The following STX12 variants were observed in gnomAD, a reference collection of about 807,000 sequenced individuals.
STX12 encodes the protein syntaxin-12.
STX12 carries 17 observed loss-of-function variants against 42.2 expected under a neutral mutation model. The observed-to-expected ratio is 0.40, with a 90% CI of 0.28 to 0.60. The LOEUF (loss-of-function observed/expected upper bound fraction) is 0.60, where lower values mean the gene tolerates loss of function less well. Among genes scored for constraint, STX12 ranks in the 20% least tolerant of loss-of-function variants. STX12 has a pLI of 0.39. For missense variants in STX12, 297 were observed against 330.9 expected (o/e 0.90, Z 0.79); for synonymous variants, 108 against 116.7 (o/e 0.93, Z 0.48).
chr1:27,803,987 C>T (rs868174500), intron 4 of STX12, among the ~76,000 whole-genome samples: 6 of 150,762 alleles, frequency 4.0e-5, no homozygotes, highest in Admixed American at 6.6e-5. Context: ...GGCGACACAA[C>T]AAGATTGTAT....
chr1:27,799,500 T>TTTTTTTTTTTTTTTTTTTTTG (rs2088812534), intron 3 of STX12, among the ~76,000 whole-genome samples: 1 of 151,298 alleles, frequency 6.6e-6, no homozygotes, highest in African/African-American at 2.5e-5. Context: ...TTTTTTTTTT[T>TTTTTTTTTTTTTTTTTTTTTG]GAGACAGAAC....
chr1:27,804,574 G>A (rs1338918863), intron 4 of STX12, among the ~76,000 whole-genome samples: 1 of 151,996 alleles, frequency 6.6e-6, no homozygotes, highest in Non-Finnish European at 1.5e-5. Context: ...CACTTTGGGA[G>A]GCTGAGGCGG....
intron 1 of STX12, among the ~76,000 whole-genome samples, chr1:27,778,028 CA>C (rs2088638736): frequency 6.6e-6 from 1 of 152,210 alleles, no homozygotes; most frequent in African/African-American, 2.4e-5. Context: ...GAGGCCAGCA[CA>C]CCCAAATATA....
intron 1 of STX12, among the ~76,000 whole-genome samples, chr1:27,777,769 C>G (rs943085938): frequency 5.9e-5 from 9 of 152,160 alleles, no homozygotes; most frequent in Non-Finnish European, 1.2e-4. Flanking sequence ...CGCCTGTAAT[C>G]CCAGCTACTT....
chr1:27,782,406 G>A (rs1011466329), intron 1 of STX12, among the ~76,000 whole-genome samples: 4 of 152,124 alleles, frequency 2.6e-5, no homozygotes, highest in East Asian at 1.9e-4. Flanking sequence ...CCATATAGGC[G>A]GTCTTAATTC....
At chr1:27,788,180 C>T (rs554280748) in intron 1 of STX12, among the ~76,000 whole-genome samples, 9 of 152,248 alleles carry the variant, frequency 5.9e-5, no homozygotes, top group Admixed American at 5.9e-4. Context: ...TTCTGTACTC[C>T]AGCTACTTGT....
chr1:27,776,550 C>A (rs550674122), intron 1 of STX12, among the ~76,000 whole-genome samples: 20 of 150,632 alleles, frequency 1.3e-4, no homozygotes, highest in African/African-American at 4.9e-4. Context: ...CCCATCTCTA[C>A]AAAAAAAAAG....
chr1:27,801,262 G>T (rs11810043), intron 3 of STX12, among the ~76,000 whole-genome samples: 18,388 of 152,082 alleles, frequency 0.12, 3,695 homozygotes, highest in African/African-American at 0.42. Context: ...AATTAGCCAG[G>T]TATGGTGGTG....
At chr1:27,785,442 T>C (rs1428532002) in intron 1 of STX12, among the ~76,000 whole-genome samples, 1 of 152,272 alleles carries the variant, frequency 6.6e-6, no homozygotes, top group East Asian at 1.9e-4. Context: ...ATTCTTTGAC[T>C]GGAGCTATTT....
Position 27,817,743 on chromosome 1 carries a change from A to G in STX12, c.577-108A>G. 5.8e-6 allele frequency: 5 copies of G among 866,816 alleles called. No homozygotes were observed. The South Asian group carries it at 7.9e-5, about 14-fold the overall frequency. The allele number at this position is 866,816 out of a possible 1,614,324, so 53.7% of individuals were successfully genotyped here. On this transcript the variant is annotated intron_variant, in intron 6 of 8. Transcript: ENST00000373943. ...TGTTTATGGAGAAAGCATGCTTTGT[A>G]GAGCCTTAAAAACACACGTGTTAAT...
chr1:27,773,351 C>T lies in STX12; in HGVS notation c.44C>T (p.Ser15Leu), dbSNP rs1571512536. 5.0e-6 allele frequency: 8 copies of T among 1,612,596 alleles called. No homozygotes were observed. Among genetic ancestry groups the T allele is most frequent in the East Asian group, 4.5e-5 (2 of 44,852 alleles). The change falls in exon 1 of 9, where the codon TCG becomes TTG. Residue 15 changes from serine (S) to leucine (L), a missense_variant. Transcript: ENST00000373943. Reference sequence around the variant, plus strand: ...GACATGTACCGGAACCCGGGGCCCTCGGGGCCCCAGCTCCGGGACTTCAGC... The same window carrying T: ...GACATGTACCGGAACCCGGGGCCCTTGGGGCCCCAGCTCCGGGACTTCAGC... ...PLDMYRNPGP[S>L]GPQLRDFSSI...
intron 4 of STX12, among the ~76,000 whole-genome samples, chr1:27,809,460 C>CTTT (rs561726749): frequency 7.7e-5 from 10 of 129,996 alleles, no homozygotes; most frequent in East Asian, 4.5e-4. Flanking sequence ...CTCATATACT[C>CTTT]TTTTTTTTTT....
rs555209143 is a variant in STX12, at chr1:27,791,538, G to A, written c.188+1907G>A. ...ATCTTTAAAATGTTCTGAGCAAGCC[G>A]GGAGCAGTGGCTCACGCCTGTAATC... On this transcript the variant is annotated intron_variant, in intron 2 of 8. Coordinates refer to ENST00000373943, the MANE Select transcript of STX12 (RefSeq NM_177424.3). Among the ~76,000 whole-genome samples the A allele has an allele frequency of 4.6e-5, 7 of 152,186 alleles. No individual in the cohort carries two copies. In the South Asian group the frequency reaches 1.0e-3, roughly 23 times the overall value.
intron 1 of STX12, among the ~76,000 whole-genome samples, chr1:27,779,790 C>CTT (rs540382809): frequency 6.9e-6 from 1 of 145,914 alleles, no homozygotes; most frequent in Non-Finnish European, 1.5e-5. Flanking sequence ...TTGGTTCCTC[C>CTT]TTTTTTTTTT....
chr1:27,775,199 T>G (rs1263984652), intron 1 of STX12, among the ~76,000 whole-genome samples: 2 of 152,214 alleles, frequency 1.3e-5, no homozygotes, highest in African/African-American at 4.8e-5. Flanking sequence ...TCTATCCATC[T>G]TCGTGTGTAT....
At chr1:27,817,685 A>G (rs2088952766) in intron 6 of STX12, among the ~76,000 whole-genome samples, 166 bp from the exon 7 acceptor site, 1 of 152,204 alleles carries the variant, frequency 6.6e-6, no homozygotes, top group Non-Finnish European at 1.5e-5. Context: ...CTTCTGTTTT[A>G]CAATATTGGG....
chr1:27,803,153 T>G (rs1252179563), intron 4 of STX12, among the ~76,000 whole-genome samples: 1 of 152,006 alleles, frequency 6.6e-6, no homozygotes. Context: ...AGAACAGAGG[T>G]GATATTTGAA....
intron 1 of STX12, among the ~76,000 whole-genome samples, chr1:27,787,958 C>T (rs2088710482): frequency 6.6e-6 from 1 of 152,064 alleles, no homozygotes; most frequent in African/African-American, 2.4e-5. Context: ...ACATTGGTCT[C>T]CTCATTTTCT....
chr1:27,800,676 G>A (rs544565629), intron 3 of STX12, among the ~76,000 whole-genome samples: 62 of 151,824 alleles, frequency 4.1e-4, no homozygotes, highest in African/African-American at 1.4e-3. Flanking sequence ...GTACCACCAC[G>A]CCCGGCTAAT....
Sources: allele counts gnomAD v4.1 joint callset (sites outside exome capture counted in the v4.1 genomes callset), GRCh38; gene constraint gnomAD v4.1.1; transcripts MANE v1.5; gene names NCBI Gene and HGNC (gene_info 2026-07-23, HGNC 2026-07-21).